FRMD1: variants seen among roughly 807,000 people sequenced by gnomAD.
FRMD1 encodes the protein FERM domain containing 1, also known as FERM domain-containing protein 1.
Under a neutral mutation model 54.9 loss-of-function variants are expected in FRMD1, and 51 were observed. The ratio of observed to expected loss-of-function variants is 0.93; its 90% CI spans 0.74 to 1.17. FRMD1 has a LOEUF of 1.17. Ranked by LOEUF, FRMD1 falls within the 50% of genes most tolerant of loss-of-function variation. The probability of loss-of-function intolerance (pLI) is 0.00; values close to 1 mark genes in which losing one functional copy is unlikely to be tolerated. For synonymous variants in FRMD1, 324 were observed against 306.4 expected (o/e 1.06, Z -0.60); for missense variants, 729 against 743.0 (o/e 0.98, Z 0.22).
In FRMD1 at chr6:168,055,955, T is replaced by C. The variant is rs1799383083; in HGVS notation, c.*1142A>G. 6.6e-6 allele frequency: 1 copy of C among 152,294 alleles called. No homozygotes were observed. Among genetic ancestry groups the C allele is most frequent in the African/African-American group, 2.4e-5 (1 of 41,460 alleles). The allele number at this position is 152,294 out of a possible 1,614,324, so 9.4% of individuals were successfully genotyped here. On this transcript the variant is annotated 3_prime_UTR_variant, in exon 11 of 11. Transcript: ENST00000283309. ...AGGCCATGGGGCTCAAGCTCATGCT[T>C]GTCTCCAGTGAGCTGGAGGGTGGTG...
rs1799438571 is a variant in FRMD1 at position 168,057,047 on chromosome 6, G to T, written c.*50C>A. On this transcript the variant is annotated 3_prime_UTR_variant, in exon 11 of 11. Transcript: ENST00000283309. ...ACGAGGGCCATGTGGAAGTGGGGTG[G>T]GCAGGGGCTGAGCCTGGCGGTGCGG... is the stretch of plus-strand genomic sequence containing the variant. 2 of 1,433,552 alleles carry T rather than the reference G, an allele frequency of 1.4e-6. No homozygotes were observed. The highest frequency in any genetic ancestry group is 2.7e-5 in the East Asian group (1 of 37,038). The allele number at this position is 1,433,552 out of a possible 1,614,324, so 88.8% of individuals were successfully genotyped here.
chr6:168,072,062 C>T (rs904659755), intron 2 of FRMD1, among the ~76,000 whole-genome samples: 5 of 152,252 alleles, frequency 3.3e-5, no homozygotes, highest in African/African-American at 1.2e-4. Context: ...CAGCCGATGG[C>T]GTCCAAGCCG....
At chr6:168,088,107 A>G (rs925220850) in intron 1 of FRMD1, among the ~76,000 whole-genome samples, 1 of 152,188 alleles carries the variant, frequency 6.6e-6, no homozygotes, top group African/African-American at 2.4e-5. Flanking sequence ...GCTGGGGGTT[A>G]GGGCGCTCTT....
At chr6:168,085,759 T>TGTGG (rs1800907688), upstream of FRMD1, among the ~76,000 whole-genome samples, 2 of 148,698 alleles carry the variant, frequency 1.3e-5, no homozygotes, top group African/African-American at 5.1e-5. Context: ...ATCCAAAGCC[T>TGTGG]TCCATGGCTC....
At chr6:168,088,886 T>TCAACCTCCCCATCAAG (rs1562436457) in intron 1 of FRMD1, among the ~76,000 whole-genome samples, 1 of 46,862 alleles carries the variant, frequency 2.1e-5, no homozygotes, top group South Asian at 1.2e-3. Flanking sequence ...CCCCACTCCT[T>TCAACCTCCCCATCAAG]GTGTCCGTGT....
Position 168,057,344 on chromosome 6 carries a change from G to T in FRMD1, c.1408-5C>A. 2 of 1,608,624 alleles carry T rather than the reference G, an allele frequency of 1.2e-6. No individual in the cohort carries two copies. The highest frequency in any genetic ancestry group is 8.5e-7 in the Non-Finnish European group (1 of 1,179,728). On this transcript the variant is annotated splice_region_variant and splice_polypyrimidine_tract_variant and intron_variant, in intron 10 of 10. Transcript: ENST00000283309. ...CCCGGCTGTCATTTCCTGGATCTGC[G>T]GGGAGAGGCCATGGGATGAGGCCTG... is the stretch of plus-strand genomic sequence containing the variant.
At chr6:168,071,400 G>T (rs1800300583) in intron 2 of FRMD1, among the ~76,000 whole-genome samples, 1 of 152,204 alleles carries the variant, frequency 6.6e-6, no homozygotes, top group African/African-American at 2.4e-5. Flanking sequence ...CCAAAGCAAG[G>T]GCTCTGGCCA....
chr6:168,091,021 C>A (rs2115034283), intron 1 of FRMD1, among the ~76,000 whole-genome samples: 1 of 152,344 alleles, frequency 6.6e-6, no homozygotes, highest in South Asian at 2.1e-4. Flanking sequence ...CCGCTCTCTG[C>A]CCTGGGCTCC....
chr6:168,090,375 C>T (rs372835141), intron 1 of FRMD1, among the ~76,000 whole-genome samples: 32 of 152,296 alleles, frequency 2.1e-4, no homozygotes, highest in African/African-American at 4.8e-4. Flanking sequence ...TGGACTTGTT[C>T]GCTCTCTGGC....
In FRMD1 at chr6:168,053,189, T is replaced by C. The variant is rs1045479974; in HGVS notation, c.*3908A>G. On this transcript the variant is annotated 3_prime_UTR_variant, in exon 11 of 11. Coordinates refer to ENST00000283309, the MANE Select transcript of FRMD1 (RefSeq NM_024919.6). ...GCGTGTTCACCTCTTCACGCGCCTT[T>C]GTAGAATACCAGCTTTCTCCCGGCA... 1 of 120,344 alleles carries C rather than the reference T, an allele frequency of 8.3e-6. No individual in the cohort carries two copies. The highest frequency in any genetic ancestry group is 1.8e-5 in the Non-Finnish European group (1 of 54,486). The allele number at this position is 120,344 out of a possible 1,614,324, so 7.5% of individuals were successfully genotyped here.
At position 168,059,561 on chromosome 6, in the gene FRMD1, T is replaced by C. The variant is rs940546106; in HGVS notation, c.1343-373A>G. Among the ~76,000 whole-genome samples, 1 of 152,158 alleles carries C rather than the reference T, an allele frequency of 6.6e-6. No homozygotes were observed. On this transcript the variant is annotated intron_variant, in intron 9 of 10. Transcript: ENST00000283309. The surrounding 1 kb of genome is among the most constrained non-coding windows in gnomAD (Gnocchi z 4.4). ...GCCCTGGGAGGCCCTAGGTGATGTTTTGTGACCCTGGATGGCCCTGGGTGA... is the reference window on the plus strand; with the variant it reads ...GCCCTGGGAGGCCCTAGGTGATGTTCTGTGACCCTGGATGGCCCTGGGTGA...
chr6:168,086,062 G>A (rs188105998), upstream of FRMD1, among the ~76,000 whole-genome samples: 9 of 152,328 alleles, frequency 5.9e-5, no homozygotes, highest in South Asian at 2.1e-4. Flanking sequence ...TGAGGGCTCC[G>A]TGGGATGCTG....
At chr6:168,074,477 T>C (rs931304426) in intron 2 of FRMD1, among the ~76,000 whole-genome samples, 4 of 151,194 alleles carry the variant, frequency 2.6e-5, no homozygotes, top group Non-Finnish European at 4.4e-5. Context: ...GTGTGGTGCA[T>C]GCATGTGTAC....
intron 6 of FRMD1, among the ~76,000 whole-genome samples, chr6:168,063,211 G>C (rs934124212): frequency 4.1e-4 from 63 of 152,180 alleles, no homozygotes; most frequent in African/African-American, 1.4e-3. Context: ...GCCGGGCCCG[G>C]GGTCCTGGTC....
intron 1 of FRMD1, among the ~76,000 whole-genome samples, chr6:168,090,819 T>C (rs1873340): frequency 0.91 from 138,391 of 152,268 alleles, 62,964 homozygotes; most frequent in African/African-American, 0.94. Context: ...GGTGCTTCCA[T>C]GTGATTCTCA....
upstream of FRMD1, among the ~76,000 whole-genome samples, chr6:168,083,597 T>C (rs1456813063): frequency 1.3e-5 from 2 of 152,252 alleles, no homozygotes; most frequent in Non-Finnish European, 2.9e-5. Context: ...GAAGGGCAGC[T>C]GTGCACTCCC....
rs114867077 is a variant in FRMD1, at chr6:168,075,294, G to T, written c.255C>A (p.Asn85Lys). 1,475 of 1,613,628 alleles carry T rather than the reference G, an allele frequency of 9.1e-4. 14 individuals carry two copies. The African/African-American group carries it at 0.018, about 19-fold the overall frequency. Reference protein sequence around the residue: ...TGRELFQQVCNVASIRDAQFF... With the variant: ...TGRELFQQVCKVASIRDAQFF... ...ACTGCGCGTCTCTGATGCTCGCCACGTTGCACACTTGCTGGAAAAGCTCGC... is the reference window on the plus strand; with the variant it reads ...ACTGCGCGTCTCTGATGCTCGCCACTTTGCACACTTGCTGGAAAAGCTCGC... The change falls in exon 2 of 11, where the codon AAC (asparagine) becomes AAA (lysine). Residue 85 changes from asparagine to lysine, a missense_variant. Physicochemically the swap from Asn to Lys is moderately conservative, Grantham distance 94. Coordinates refer to ENST00000283309, the MANE Select transcript of FRMD1 (RefSeq NM_024919.6).
At chr6:168,079,818 C>T (rs79538866), upstream of FRMD1, among the ~76,000 whole-genome samples, 1 of 152,212 alleles carries the variant, frequency 6.6e-6, no homozygotes, top group Non-Finnish European at 1.5e-5. Context: ...GGTGCATCAG[C>T]ACGAGGGGTG....
chr6:168,061,069 G>A lies in FRMD1; in HGVS notation c.1046-12C>T. 2.5e-6 allele frequency: 4 copies of A among 1,600,418 alleles called. No homozygotes were observed. The highest frequency in any genetic ancestry group is 2.7e-5 in the African/African-American group (2 of 74,532). Reference sequence around the variant, plus strand: ...GTAGTGCTGCTTCTCTGTGGGGAGTGGGGAGCACAGTGAGGGCGAGCTGGA... The same window carrying A: ...GTAGTGCTGCTTCTCTGTGGGGAGTAGGGAGCACAGTGAGGGCGAGCTGGA... On this transcript the variant is annotated splice_polypyrimidine_tract_variant and intron_variant, in intron 8 of 10. Transcript: ENST00000283309.
Sources: gnomAD v4.1 joint callset for allele counts (sites outside exome capture counted in the v4.1 genomes callset) on GRCh38, gnomAD v4.1.1 for gene constraint, Gnocchi (gnomAD v3.1) non-coding constraint, MANE v1.5 for transcripts, NCBI Gene and HGNC (gene_info 2026-07-23, HGNC 2026-07-21) for gene names.